ST18: variants seen among roughly 807,000 people sequenced by gnomAD.
The protein encoded by ST18 is suppression of tumorigenicity 18 protein.
In ST18, 50 loss-of-function variants were observed where a neutral mutation model predicts 110.0. That is an observed-to-expected ratio of 0.45 (90% CI 0.36 to 0.58). The LOEUF is 0.58. Among genes scored for constraint, ST18 ranks in the 20% least tolerant of loss-of-function variants. ST18 has a pLI of 0.00. For synonymous variants in ST18, 461 were observed against 452.4 expected, an observed-to-expected ratio of 1.02 and a Z score of -0.24; for missense variants, 1,306 against 1,280.1, an observed-to-expected ratio of 1.02 and a Z score of -0.31.
intron 2 of ST18, among the ~76,000 whole-genome samples, chr8:52,310,072 A>G (rs2095878797): frequency 6.6e-6 from 1 of 152,178 alleles, no homozygotes; most frequent in South Asian, 2.1e-4. Flanking sequence ...TGTTTAATCC[A>G]TATATATTTT....
At chr8:52,280,226 G>T (rs1022560675) in intron 2 of ST18, among the ~76,000 whole-genome samples, 1 of 151,998 alleles carries the variant, frequency 6.6e-6, no homozygotes, top group African/African-American at 2.4e-5. Flanking sequence ...AAGAAACAAA[G>T]AAAAAGCAGA....
intron 2 of ST18, among the ~76,000 whole-genome samples, chr8:52,272,177 C>T (rs1389075559): frequency 6.6e-6 from 1 of 152,048 alleles, no homozygotes; most frequent in African/African-American, 2.4e-5. Context: ...ACCAAAAGTA[C>T]AGGCAACAAA....
At chr8:52,303,068 G>A (rs1399490892) in intron 2 of ST18, among the ~76,000 whole-genome samples, 2 of 152,188 alleles carry the variant, frequency 1.3e-5, no homozygotes, top group Non-Finnish European at 2.9e-5. Flanking sequence ...AAACCTGGCA[G>A]ATACTGCCTT....
upstream of ST18, chr8:52,409,852 CT>C (rs1018745173): frequency 8.5e-5 from 13 of 152,392 alleles, no homozygotes; most frequent in African/African-American, 2.4e-4. Context: ...TTTCAAAACT[CT>C]TTTCACTGAG....
intron 15 of ST18, among the ~76,000 whole-genome samples, chr8:52,153,294 C>A (rs2059254010): frequency 6.6e-6 from 1 of 152,188 alleles, no homozygotes; most frequent in Admixed American, 6.5e-5. Context: ...GGGTCACCTG[C>A]CATTTTTTCC....
chr8:52,186,716 G>A (rs971802707), intron 8 of ST18, among the ~76,000 whole-genome samples: 3 of 152,216 alleles, frequency 2.0e-5, no homozygotes, highest in African/African-American at 7.2e-5. Context: ...GAATACGCTA[G>A]CCGTGAGGAA....
intron 9 of ST18, among the ~76,000 whole-genome samples, chr8:52,172,936 T>C (rs922950629): frequency 2.6e-5 from 4 of 152,176 alleles, no homozygotes; most frequent in African/African-American, 9.6e-5. Context: ...TTGCTGAATG[T>C]GAAATTATTG....
intron 2 of ST18, among the ~76,000 whole-genome samples, chr8:52,258,773 G>A (rs1481313610): frequency 6.6e-6 from 1 of 152,072 alleles, no homozygotes; most frequent in Non-Finnish European, 1.5e-5. Flanking sequence ...GAGTTGAAGT[G>A]GCAAGAGCAG....
chr8:52,203,942 A>G (rs2078992988), intron 8 of ST18, among the ~76,000 whole-genome samples: 1 of 152,180 alleles, frequency 6.6e-6, no homozygotes, highest in Non-Finnish European at 1.5e-5. Context: ...AGAGACATGT[A>G]ATTAAATACT....
chr8:52,266,588 C>T (rs2094879173), intron 2 of ST18, among the ~76,000 whole-genome samples: 1 of 147,860 alleles, frequency 6.8e-6, no homozygotes, highest in South Asian at 2.1e-4. Flanking sequence ...GTTGCCCAGG[C>T]TGGAGTGCAG....
At chr8:52,256,512 G>A (rs2094533987) in intron 2 of ST18, among the ~76,000 whole-genome samples, 1 of 152,170 alleles carries the variant, frequency 6.6e-6, no homozygotes, top group Non-Finnish European at 1.5e-5. Context: ...ACAGGTGTGA[G>A]TCAGTGCGCT....
intron 2 of ST18, among the ~76,000 whole-genome samples, chr8:52,314,330 T>C (rs980801285): frequency 6.6e-6 from 1 of 152,146 alleles, no homozygotes; most frequent in Admixed American, 6.5e-5. Flanking sequence ...GAATATGACA[T>C]CCTTTAATGG....
At chr8:52,122,955 C>T (rs181647920) in intron 23 of ST18, among the ~76,000 whole-genome samples, 105 of 152,116 alleles carry the variant, frequency 6.9e-4, no homozygotes, top group Admixed American at 3.2e-3. Flanking sequence ...TATTTTGTCA[C>T]ATGAGAAGAG....
intron 8 of ST18, among the ~76,000 whole-genome samples, chr8:52,192,363 T>C (rs530205819): frequency 3.9e-5 from 6 of 152,342 alleles, no homozygotes; most frequent in South Asian, 4.1e-4. Flanking sequence ...GCCAGGACCA[T>C]ATCTACCTGA....
At chr8:52,312,058 G>A (rs553237195) in intron 2 of ST18, among the ~76,000 whole-genome samples, 1 of 152,294 alleles carries the variant, frequency 6.6e-6, no homozygotes, top group Non-Finnish European at 1.5e-5. Context: ...GACCTCACGA[G>A]ATATGTTATG....
chr8:52,172,054 G>T lies in ST18; in HGVS notation c.807C>A (p.Gly269=). The T allele has an allele frequency of 6.2e-7, 1 of 1,614,218 alleles. No homozygotes were observed. The highest frequency in any genetic ancestry group is 8.5e-7 in the Non-Finnish European group (1 of 1,180,046). The change falls in exon 10 of 26, where the codon GGC becomes GGA. Residue 269 remains glycine (G), a synonymous_variant. Coordinates refer to ENST00000689386, the MANE Select transcript of ST18 (RefSeq NM_001352837.2). ...CGTCAGGGAATGAGGGCTGGGCATT[G>T]CCATCCAGGGGTTCTGCGAGAGCAT... ...PQNALAEPLD[G]NAQPSFPDVE...
intron 2 of ST18, among the ~76,000 whole-genome samples, chr8:52,250,891 C>G (rs944393517): frequency 1.3e-5 from 2 of 152,222 alleles, no homozygotes; most frequent in Admixed American, 1.3e-4. Context: ...GAAACACCAA[C>G]TTTTCCAACA....
At chr8:52,155,488 C>A (rs1239525103) in intron 15 of ST18, among the ~76,000 whole-genome samples, 1 of 152,104 alleles carries the variant, frequency 6.6e-6, no homozygotes, top group Non-Finnish European at 1.5e-5. Flanking sequence ...AGCACTGGTG[C>A]CTTCAGGCTG....
At chr8:52,376,720 G>A (rs80173576) in intron 2 of ST18, among the ~76,000 whole-genome samples, 5,832 of 152,198 alleles carry the variant, frequency 0.038, 232 homozygotes, top group East Asian at 0.16. Context: ...GGTACACAGT[G>A]AGCATTCAAG....
Sources: allele counts gnomAD v4.1 joint callset (sites outside exome capture counted in the v4.1 genomes callset), GRCh38; gene constraint gnomAD v4.1.1; transcripts MANE v1.5; gene names NCBI Gene and HGNC (gene_info 2026-07-23, HGNC 2026-07-21).